CFAP46: variants seen among roughly 807,000 people sequenced by gnomAD.
CFAP46 encodes the protein cilia and flagella associated protein 46, also known as cilia- and flagella-associated protein 46.
Under a neutral mutation model 325.7 loss-of-function variants are expected in CFAP46, and 245 were observed. That is an observed-to-expected ratio of 0.75 (90% CI 0.68 to 0.84). The LOEUF is 0.84. CFAP46 is among the 40% of genes least tolerant of loss of function. The pLI is 0.00. For missense variants in CFAP46, 3,346 were observed against 3,543.0 expected, an observed-to-expected ratio of 0.94 and a Z score of 1.41; for synonymous variants, 1,523 against 1,495.9, an observed-to-expected ratio of 1.02 and a Z score of -0.42.
At position 132,860,492 on chromosome 10, in the gene CFAP46, G is replaced by T; in HGVS notation, c.5123C>A (p.Ala1708Asp). The T allele has an allele frequency of 6.4e-7, 1 of 1,551,130 alleles. No individual in the cohort carries two copies. Among genetic ancestry groups the T allele is most frequent in the Non-Finnish European group, 8.7e-7 (1 of 1,147,034 alleles). The change falls in exon 37 of 58, where the codon GCC becomes GAC. Residue 1708 changes from alanine to aspartate, a missense_variant. Transcript: ENST00000368586. ...VCHIFQKLIN[A>D]FKILKKERPN... ...TCTTTCTTTCTTGAGGATCTTGAAG[G>T]CATTGATGAGCTTCTGAAATATGTG... is the stretch of plus-strand genomic sequence containing the variant.
Position 132,926,650 on chromosome 10 carries a change from A to G in CFAP46, c.983T>C (p.Ile328Thr). 3 of 1,536,168 alleles carry G rather than the reference A, an allele frequency of 2.0e-6. No individual in the cohort carries two copies. The highest frequency in any genetic ancestry group is 2.6e-6 in the Non-Finnish European group (3 of 1,146,792). ...TTCACACTCCAGACATTCCATTTCA[A>G]TAAGCTTCCCAGGATCCTGCAGATA... Reference protein sequence around the residue: ...KMESKDPGKLIEMECLECESE... With the variant: ...KMESKDPGKLTEMECLECESE... Residue 328 changes from isoleucine to threonine, a missense_variant, in exon 10 of 58, where the codon ATT becomes ACT. By Grantham distance (89) the Ile-to-Thr change is moderately conservative (BLOSUM62 -1). Coordinates refer to ENST00000368586, the MANE Select transcript of CFAP46 (RefSeq NM_001200049.3).
Position 132,823,938 on chromosome 10 carries a change from CTG to C in CFAP46, c.7118-9026_7118-9025del, listed in dbSNP as rs540853245. 3.3e-3 allele frequency among the ~76,000 whole-genome samples: 430 copies of C among 129,458 alleles called. 9 individuals carry two copies. Among genetic ancestry groups the C allele is most frequent in the African/African-American group, 0.012 (405 of 32,958 alleles). 84.9% of individuals were successfully genotyped at this position (129,458 alleles called of 152,430 possible). On this transcript the variant is annotated intron_variant, in intron 50 of 57. Coordinates refer to ENST00000368586, the MANE Select transcript of CFAP46 (RefSeq NM_001200049.3). ...TGATGTGTGTGTGTGCTGATGTGTG[CTG>C]TGTGTGCAGTGATGTGTGCTGTGTG...
intron 50 of CFAP46, 141 bp downstream of exon 50, chr10:132,833,217 T>C (rs1420790361): frequency 1.2e-6 from 1 of 851,580 alleles, no homozygotes; most frequent in African/African-American, 1.7e-5. Context: ...ACAAATATCT[T>C]TGAATGAATA....
intron 22 of CFAP46, among the ~76,000 whole-genome samples, chr10:132,905,470 T>C (rs1591082739): frequency 6.8e-6 from 1 of 147,772 alleles, no homozygotes; most frequent in East Asian, 2.0e-4. Context: ...TTTTTTTTGG[T>C]TTACTTCCTT....
rs966119186 is a variant in CFAP46 at position 132,899,625 on chromosome 10, G to A, written c.2966C>T (p.Thr989Met). The change falls in exon 23 of 58, where the codon ACG becomes ATG. Residue 989 changes from threonine to methionine, a missense_variant. Transcript: ENST00000368586. ...RLVAEMLCTA[T>M]AIQGRSIMEN... ...CATGATGCTCCTGCCCTGGATGGCC[G>A]TGGCTGTGCACAGCATCTCTGCCAC... 2.1e-5 allele frequency: 33 copies of A among 1,550,244 alleles called. No individual in the cohort carries two copies. In the Middle Eastern group the frequency reaches 8.6e-4, roughly 40 times the overall value.
intron 2 of CFAP46, 36 bp from the exon 3 acceptor site, chr10:132,941,758 C>T (rs769241753): frequency 2.4e-5 from 38 of 1,611,694 alleles, no homozygotes; most frequent in Non-Finnish European, 3.1e-5. Context: ...ATCACAGACC[C>T]GGAGGGGTGG....
rs991075634 is a variant in CFAP46 at position 132,916,699 on chromosome 10, C to A, written c.1987-17G>T. On this transcript the variant is annotated splice_polypyrimidine_tract_variant and intron_variant, in intron 16 of 57. Transcript: ENST00000368586. ...AACCGTGGCCTGCAAAACACACATGCGGTGGGAGGGGTCATGGGCGGAGCA... is the reference window on the plus strand; with the variant it reads ...AACCGTGGCCTGCAAAACACACATGAGGTGGGAGGGGTCATGGGCGGAGCA... 2.1e-6 allele frequency: 3 copies of A among 1,447,630 alleles called. No individual in the cohort carries two copies. The highest frequency in any genetic ancestry group is 2.7e-6 in the Non-Finnish European group (3 of 1,093,294). 89.7% of individuals were successfully genotyped at this position (1,447,630 alleles called of 1,614,324 possible).
In CFAP46 at chr10:132,871,349, C is replaced by G. The variant is rs188744212; in HGVS notation, c.4511+1327G>C. 2.6e-5 allele frequency among the ~76,000 whole-genome samples: 4 copies of G among 152,334 alleles called. No homozygotes were observed. In the East Asian group the frequency reaches 7.7e-4, roughly 29 times the overall value. On this transcript the variant is annotated intron_variant, in intron 32 of 57. Coordinates refer to ENST00000368586, the MANE Select transcript of CFAP46 (RefSeq NM_001200049.3). ...TGGATCAAGGAGGCATTTCGACTTT[C>G]AAGTCTTACTATTTATGAAGCACAT...
At chr10:132,902,988 C>T (rs533173481) in intron 22 of CFAP46, among the ~76,000 whole-genome samples, 25 of 148,954 alleles carry the variant, frequency 1.7e-4, no homozygotes, top group Admixed American at 4.0e-4. Context: ...TTCTGAATGC[C>T]TGGAGTTCAG....
At chr10:132,831,893 GTTTT>G (rs951236353) in intron 50 of CFAP46, among the ~76,000 whole-genome samples, 1 of 151,874 alleles carries the variant, frequency 6.6e-6, no homozygotes, top group Non-Finnish European at 1.5e-5. Context: ...ACTCTGTGGG[GTTTT>G]TTGTTTGTTT....
At position 132,908,580 on chromosome 10, in the gene CFAP46, T is replaced by A; in HGVS notation, c.2812A>T (p.Thr938Ser). Reference sequence around the variant, plus strand: ...GCGAAGTGGGTCAGCCGCGTCAGGGTCTGCAGCTCCACCAGGGGGTCCGAC... The same window carrying A: ...GCGAAGTGGGTCAGCCGCGTCAGGGACTGCAGCTCCACCAGGGGGTCCGAC... Reference protein sequence around the residue: ...NWSDPLVELQTLTRLTHFAHA... With the variant: ...NWSDPLVELQSLTRLTHFAHA... Residue 938 changes from threonine (T) to serine (S), a missense_variant, in exon 22 of 58, where the codon ACC becomes TCC. Physicochemically the swap from Thr to Ser is moderately conservative, Grantham distance 58 (BLOSUM62 1). Coordinates refer to ENST00000368586, the MANE Select transcript of CFAP46 (RefSeq NM_001200049.3). 1 of 1,549,986 alleles carries A rather than the reference T, an allele frequency of 6.5e-7. No homozygotes were observed. The highest frequency in any genetic ancestry group is 8.7e-7 in the Non-Finnish European group (1 of 1,146,680).
In CFAP46 at chr10:132,884,344, C is replaced by T. The variant is rs1849090697; in HGVS notation, c.3627+759G>A. On this transcript the variant is annotated intron_variant, in intron 27 of 57. Coordinates refer to ENST00000368586, the MANE Select transcript of CFAP46 (RefSeq NM_001200049.3). This position sits in a 1 kb window ranked among gnomAD's most constrained non-coding sequence, Gnocchi z 5.4. ...ACACAGCACCGTCAGAGACCCCCAA[C>T]CATCCTCAGTTCCCGATGCCAAGGG... Among the ~76,000 whole-genome samples, 3 of 152,210 alleles carry T rather than the reference C, an allele frequency of 2.0e-5. No homozygotes were observed.
At chr10:132,830,762 G>C (rs1848135024) in intron 50 of CFAP46, among the ~76,000 whole-genome samples, 1 of 152,098 alleles carries the variant, frequency 6.6e-6, no homozygotes, top group African/African-American at 2.4e-5. Context: ...ACTTGCTTCT[G>C]GTTTGTGTTT....
intron 22 of CFAP46, 74 bp from the exon 23 acceptor site, chr10:132,899,740 T>G: frequency 6.8e-7 from 1 of 1,473,752 alleles, no homozygotes; most frequent in Non-Finnish European, 9.1e-7. Context: ...GGTCACTGTC[T>G]TGAACTGTGG....
At chr10:132,902,167 T>A (rs957234881) in intron 22 of CFAP46, among the ~76,000 whole-genome samples, 1 of 152,188 alleles carries the variant, frequency 6.6e-6, no homozygotes, top group Non-Finnish European at 1.5e-5. Flanking sequence ...TTTTCAGCCA[T>A]TATGTTTTCA....
chr10:132,901,474 T>C (rs1849390912), intron 22 of CFAP46, among the ~76,000 whole-genome samples: 1 of 152,228 alleles, frequency 6.6e-6, no homozygotes, highest in South Asian at 2.1e-4. Context: ...GGGATTGCAG[T>C]GTGCATCCTT....
chr10:132,830,904 A>G (rs1848136693), intron 50 of CFAP46, among the ~76,000 whole-genome samples: 2 of 152,140 alleles, frequency 1.3e-5, no homozygotes, highest in Admixed American at 6.5e-5. Context: ...CTTCTTTCCT[A>G]ACATACATGC....
chr10:132,880,787 C>G, intron 28 of CFAP46, 74 bp downstream of exon 28: 1 of 1,493,224 alleles, frequency 6.7e-7, no homozygotes, highest in South Asian at 1.3e-5. Flanking sequence ...CAACGGCGGT[C>G]CAGATCACGG....
At position 132,920,090 on chromosome 10, in the gene CFAP46, G is replaced by A. The variant is rs753795960; in HGVS notation, c.1699C>T (p.Arg567Trp). ...TTGTCGTTTTCGTTGCCCAGGCGCC[G>A]CAGGTGCCCGGCAGCTTTGTCCACG... ...VSVDKAAGHL[R>W]RLGNENDKER... is the part of the protein sequence containing the mutation. Residue 567 changes from arginine to tryptophan, a missense_variant, in exon 14 of 58, where the codon CGG becomes TGG. Arg to Trp is a moderately radical substitution (Grantham distance 101). Coordinates refer to ENST00000368586, the MANE Select transcript of CFAP46 (RefSeq NM_001200049.3). 9.0e-6 allele frequency: 14 copies of A among 1,547,986 alleles called. No individual in the cohort carries two copies. The highest frequency in any genetic ancestry group is 6.0e-5 in the South Asian group (5 of 83,864).
Sources: allele counts gnomAD v4.1 joint callset (sites outside exome capture counted in the v4.1 genomes callset), GRCh38; gene constraint gnomAD v4.1.1; non-coding constraint Gnocchi (gnomAD v3.1); transcripts MANE v1.5; gene names NCBI Gene and HGNC (gene_info 2026-07-23, HGNC 2026-07-21).